Variants in MRRF observed in about 807,000 individuals in gnomAD.
MRRF encodes the protein ribosome-recycling factor, mitochondrial.
A neutral mutation model predicts 25.1 loss-of-function variants in MRRF; 18 were observed. That is an observed-to-expected ratio of 0.72 (90% CI 0.50 to 1.06). The LOEUF is 1.06. Ranked by LOEUF, MRRF falls within the 50% of genes least tolerant of loss-of-function variation. The pLI is 0.00. For missense variants in MRRF, 323 were observed against 319.3 expected, an observed-to-expected ratio of 1.01 and a Z score of -0.09; for synonymous variants, 113 against 112.1, an observed-to-expected ratio of 1.01 and a Z score of -0.05.
In MRRF at chr9:122,325,859, C is replaced by G. The variant is rs1267411346; in HGVS notation, c.*3242C>G. The stretch of plus-strand genomic sequence containing the variant: ...TTTGCCTTTGAGACAGTGTCTCACT[C>G]TGTCGCCCATCATGCAGTGGCACAA... On this transcript the variant is annotated 3_prime_UTR_variant, in exon 7 of 7. Coordinates refer to ENST00000344641, the MANE Select transcript of MRRF (RefSeq NM_138777.5). 3 of 152,100 alleles carry G rather than the reference C, an allele frequency of 2.0e-5. No individual in the cohort carries two copies. The highest frequency in any genetic ancestry group is 4.4e-5 in the Non-Finnish European group (3 of 68,128). The allele number at this position is 152,100 out of a possible 1,614,324, so 9.4% of individuals were successfully genotyped here. A position where few individuals can be genotyped will look rare whatever the true frequency, so the allele number is the denominator to read the frequency against.
intron 3 of MRRF, among the ~76,000 whole-genome samples, chr9:122,282,899 A>G (rs530208828): frequency 1.3e-5 from 2 of 152,292 alleles, no homozygotes; most frequent in South Asian, 2.1e-4. Flanking sequence ...TCTCAGTAGA[A>G]GGAAAAATAT....
intron 6 of MRRF, among the ~76,000 whole-genome samples, chr9:122,318,566 G>A (rs1417844480): frequency 6.6e-6 from 1 of 152,232 alleles, no homozygotes; most frequent in African/African-American, 2.4e-5. Flanking sequence ...CCTCAGGAAG[G>A]ATGGCTGGTA....
chr9:122,288,121 G>A (rs1401069599), intron 4 of MRRF, among the ~76,000 whole-genome samples: 1 of 151,766 alleles, frequency 6.6e-6, no homozygotes, highest in Non-Finnish European at 1.5e-5. Context: ...TGTCCTGCTT[G>A]ATAAATGATA....
chr9:122,308,987 C>A (rs1388976638), intron 5 of MRRF, among the ~76,000 whole-genome samples: 1 of 152,152 alleles, frequency 6.6e-6, no homozygotes, highest in Non-Finnish European at 1.5e-5. Flanking sequence ...TATAAGCAAT[C>A]TCTAGAATGC....
At chr9:122,295,810 T>C (rs1358441068) in intron 5 of MRRF, among the ~76,000 whole-genome samples, 1 of 152,178 alleles carries the variant, frequency 6.6e-6, no homozygotes, top group East Asian at 1.9e-4. Flanking sequence ...CTCCTCTGAT[T>C]GATCCTGATT....
At chr9:122,288,846 T>G (rs1472990617) in intron 4 of MRRF, among the ~76,000 whole-genome samples, 1 of 152,224 alleles carries the variant, frequency 6.6e-6, no homozygotes, top group Non-Finnish European at 1.5e-5. Flanking sequence ...ATTGATCACA[T>G]CACTCTTCTC....
chr9:122,271,751 G>A (rs753759720), intron 2 of MRRF, among the ~76,000 whole-genome samples: 2 of 152,164 alleles, frequency 1.3e-5, no homozygotes, highest in East Asian at 1.9e-4. Flanking sequence ...TTCTTATTTA[G>A]CACCTAACAG....
intron 5 of MRRF, among the ~76,000 whole-genome samples, chr9:122,307,694 T>C (rs964136191): frequency 6.6e-5 from 10 of 152,222 alleles, no homozygotes; most frequent in Non-Finnish European, 1.2e-4. Flanking sequence ...AGGAGAAAAC[T>C]GAGTTTGGAG....
At chr9:122,266,007 A>G (rs903129843) in intron 1 of MRRF, among the ~76,000 whole-genome samples, 5 of 152,258 alleles carry the variant, frequency 3.3e-5, no homozygotes, top group Non-Finnish European at 7.3e-5. Context: ...CAACGCTGGG[A>G]AGCCCAGAAC....
At chr9:122,314,932 A>G (rs952967563) in intron 6 of MRRF, among the ~76,000 whole-genome samples, 2 of 152,196 alleles carry the variant, frequency 1.3e-5, no homozygotes, top group Non-Finnish European at 2.9e-5. Flanking sequence ...TTGAACAGGC[A>G]TGTGGGCTGG....
rs1400869179 is a variant in MRRF, at chr9:122,326,638, AGAT to A, written c.*4025_*4027del. The A allele has an allele frequency of 6.6e-6, 1 of 152,150 alleles. No homozygotes were observed. Among genetic ancestry groups the A allele is most frequent in the Non-Finnish European group, 1.5e-5 (1 of 68,006 alleles). The allele number at this position is 152,150 out of a possible 1,614,324, so 9.4% of individuals were successfully genotyped here. ...TTCACATGCATTGGAGAATGTTTAA[AGAT>A]GATTTTTTTTTTTAAGAAAAAAGAA... On this transcript the variant is annotated 3_prime_UTR_variant, in exon 7 of 7. Transcript: ENST00000344641.
chr9:122,272,571 G>A (rs113549117), intron 2 of MRRF, among the ~76,000 whole-genome samples: 3 of 152,208 alleles, frequency 2.0e-5, no homozygotes, highest in African/African-American at 4.8e-5. Context: ...AGGCTGAAGT[G>A]GAAGGATGGC....
intron 1 of MRRF, chr9:122,265,515 T>C (rs2118995203): frequency 2.9e-6 from 1 of 347,550 alleles, no homozygotes; most frequent in East Asian, 7.6e-5. Context: ...GCCTAGGAAG[T>C]GCTGGAACCA....
intron 5 of MRRF, among the ~76,000 whole-genome samples, chr9:122,304,601 A>G (rs186613154): frequency 5.4e-4 from 83 of 152,302 alleles, no homozygotes; most frequent in Middle Eastern, 3.4e-3. Flanking sequence ...GCCTTGTATC[A>G]TGCACCTATT....
At chr9:122,274,926 T>C (rs74399444) in intron 2 of MRRF, among the ~76,000 whole-genome samples, 2,596 of 152,224 alleles carry the variant, frequency 0.017, 33 homozygotes, top group Middle Eastern at 0.037. Flanking sequence ...TGTGTACTTG[T>C]TCTGTTTCTA....
At position 122,276,902 on chromosome 9, in the gene MRRF, CCAGGCTGTAGTGCAG is replaced by C. The variant is rs542640816; in HGVS notation, c.185-3537_185-3523del. ...GTTGTTTTTTGAGACGGGGTCTTGCCCAGGCTGTAGTGCAGCAGTGCAATCACAGCCCACTGCAAC... is the reference window on the plus strand; with the variant it reads ...GTTGTTTTTTGAGACGGGGTCTTGCCCAGTGCAATCACAGCCCACTGCAAC... On this transcript the variant is annotated intron_variant, in intron 2 of 6. Transcript: ENST00000344641. 8.9e-4 allele frequency among the ~76,000 whole-genome samples: 135 copies of C among 152,164 alleles called. 1 individual carries two copies. The highest frequency in any genetic ancestry group is 3.1e-3 in the African/African-American group (128 of 41,486).
intron 5 of MRRF, among the ~76,000 whole-genome samples, chr9:122,301,583 G>T (rs1397301151): frequency 6.6e-6 from 1 of 152,194 alleles, no homozygotes; most frequent in Non-Finnish European, 1.5e-5. Context: ...AACAGGAGTA[G>T]ACAGGGATAA....
Position 122,280,443 on chromosome 9 carries a change from C to T in MRRF, c.185C>T (p.Ala62Val). ...VRHFATKKAK[A>V]KGKGQSQTRV... ...TATTCACTGAATGTTCACTTTTTAG[C>T]CAAAGGGAAAGGACAGTCCCAAACC... is the stretch of plus-strand genomic sequence containing the variant. Residue 62 changes from alanine (A) to valine (V), a missense_variant and splice_region_variant, in exon 3 of 7, where the codon GCC (alanine) becomes GTC (valine). Transcript: ENST00000344641. 4 of 1,613,980 alleles carry T rather than the reference C, an allele frequency of 2.5e-6. No individual in the cohort carries two copies. Among genetic ancestry groups the T allele is most frequent in the Non-Finnish European group, 3.4e-6 (4 of 1,179,934 alleles).
intron 6 of MRRF, among the ~76,000 whole-genome samples, chr9:122,317,170 T>G (rs189467998): frequency 2.3e-3 from 353 of 151,958 alleles, no homozygotes; most frequent in African/African-American, 8.3e-3. Flanking sequence ...TGCATATTTT[T>G]TGTAAGATTC....
Sources: gnomAD v4.1 joint callset for allele counts (sites outside exome capture counted in the v4.1 genomes callset) on GRCh38, gnomAD v4.1.1 for gene constraint, MANE v1.5 for transcripts, NCBI Gene and HGNC (gene_info 2026-07-23, HGNC 2026-07-21) for gene names.